Variants in DTNA observed in about 807,000 individuals in gnomAD.
The protein encoded by DTNA is dystrophin-related protein 3.
Under a neutral mutation model 100.7 loss-of-function variants are expected in DTNA, and 43 were observed. The ratio of observed to expected loss-of-function variants is 0.43; its 90% CI spans 0.33 to 0.55. The LOEUF is 0.55. Among genes scored for constraint, DTNA ranks in the 20% least tolerant of loss-of-function variants. The probability of loss-of-function intolerance (pLI) is 0.04; values close to 1 mark genes in which losing one functional copy is unlikely to be tolerated. For synonymous variants in DTNA, 349 were observed against 347.9 expected (o/e 1.00, Z -0.04); for missense variants, 798 against 953.9 (o/e 0.84, Z 2.15).
At chr18:34,798,137 C>T (rs1219119834) in intron 4 of DTNA, among the ~76,000 whole-genome samples, 1 of 152,054 alleles carries the variant, frequency 6.6e-6, no homozygotes, top group African/African-American at 2.4e-5. Context: ...GTAGCTGGGA[C>T]TACAGGCGTG....
At position 34,603,013 on chromosome 18, in the gene DTNA, T is replaced by A. The variant is rs111588757; in HGVS notation, c.-2+109499T>A. Among the ~76,000 whole-genome samples the A allele has an allele frequency of 2.6e-3, 387 of 150,110 alleles. 4 individuals carry two copies. The highest frequency in any genetic ancestry group is 8.8e-3 in the African/African-American group (359 of 40,988). ...GTGAGACTCCCTCTCAAAAAAAAAATACAAAATAAAAAATAAATTTAATTT... is the reference window on the plus strand; with the variant it reads ...GTGAGACTCCCTCTCAAAAAAAAAAAACAAAATAAAAAATAAATTTAATTT... On this transcript the variant is annotated intron_variant, in intron 1 of 19. Transcript: ENST00000283365.
At chr18:34,856,510 T>G (rs2096554356) in intron 15 of DTNA, among the ~76,000 whole-genome samples, 1 of 152,160 alleles carries the variant, frequency 6.6e-6, no homozygotes, top group Admixed American at 6.5e-5. Context: ...AATCTTCAAA[T>G]TATATTGTAT....
chr18:34,512,378 C>T (rs1214694528), intron 1 of DTNA, among the ~76,000 whole-genome samples: 4 of 151,976 alleles, frequency 2.6e-5, no homozygotes, highest in Non-Finnish European at 5.9e-5. Flanking sequence ...ATATTTCTGG[C>T]TGTTTTCCTC....
intron 4 of DTNA, among the ~76,000 whole-genome samples, chr18:34,803,344 G>A (rs1166385607): frequency 2.6e-5 from 4 of 151,656 alleles, no homozygotes; most frequent in Non-Finnish European, 5.9e-5. Context: ...GTTGGATCTA[G>A]TATCATCAAT....
chr18:34,783,123 T>C lies in DTNA; in HGVS notation c.149-10914T>C, dbSNP rs556335499. ...TTAGTTATCATTCAGATCTGTCTTT[T>C]CATTTACCTTCTCTTATTATTTTTG... On this transcript the variant is annotated intron_variant, in intron 3 of 22. Transcript: ENST00000444659. Among the ~76,000 whole-genome samples, 14 of 152,366 alleles carry C rather than the reference T, an allele frequency of 9.2e-5. No homozygotes were observed. In the South Asian group the frequency reaches 2.9e-3, roughly 32 times the overall value.
intron 1 of DTNA, among the ~76,000 whole-genome samples, chr18:34,532,770 ATG>A (rs58811674): frequency 6.7e-6 from 1 of 149,844 alleles, no homozygotes. Flanking sequence ...ATATATATAT[ATG>A]TGTGTGTGTG....
At chr18:34,526,751 A>C (rs1463883206) in intron 1 of DTNA, among the ~76,000 whole-genome samples, 1 of 152,062 alleles carries the variant, frequency 6.6e-6, no homozygotes, top group Non-Finnish European at 1.5e-5. Context: ...AGAATGCATG[A>C]TTTGTGTTTT....
chr18:34,566,624 G>T (rs958122882), intron 1 of DTNA, among the ~76,000 whole-genome samples: 8 of 152,154 alleles, frequency 5.3e-5, no homozygotes, highest in Admixed American at 3.3e-4. Context: ...TGCTGGAGTC[G>T]TCTACTTGTA....
intron 1 of DTNA, among the ~76,000 whole-genome samples, chr18:34,661,484 C>T (rs546151238): frequency 6.6e-6 from 1 of 152,180 alleles, no homozygotes; most frequent in African/African-American, 2.4e-5. Flanking sequence ...TATCCCTGCT[C>T]CCTCTTTCTG....
At chr18:34,731,200 C>A (rs1380154751) in intron 1 of DTNA, among the ~76,000 whole-genome samples, 1 of 152,194 alleles carries the variant, frequency 6.6e-6, no homozygotes, top group African/African-American at 2.4e-5. Context: ...AGATTTGTGG[C>A]CGGGCGCGGT....
chr18:34,687,183 A>C (rs1381638323), intron 1 of DTNA, among the ~76,000 whole-genome samples: 1 of 151,900 alleles, frequency 6.6e-6, no homozygotes, highest in Non-Finnish European at 1.5e-5. Flanking sequence ...TCTTCTGCTA[A>C]CTTTTGAATT....
chr18:34,649,140 T>C (rs2060165373), intron 1 of DTNA, among the ~76,000 whole-genome samples: 1 of 152,196 alleles, frequency 6.6e-6, no homozygotes, highest in Non-Finnish European at 1.5e-5. Context: ...TTGCATTCCA[T>C]TCTGCTCTCC....
chr18:34,674,313 G>T (rs2077136316), intron 1 of DTNA, among the ~76,000 whole-genome samples: 1 of 152,158 alleles, frequency 6.6e-6, no homozygotes, highest in Admixed American at 6.5e-5. Flanking sequence ...GAAGAAATAA[G>T]CTATGCCCTT....
At chr18:34,804,602 A>G (rs1432501187) in intron 4 of DTNA, among the ~76,000 whole-genome samples, 1 of 152,204 alleles carries the variant, frequency 6.6e-6, no homozygotes, top group African/African-American at 2.4e-5. Flanking sequence ...TTTTCAGGTA[A>G]CTAGGTACAT....
chr18:34,514,955 C>T (rs1033017934), intron 1 of DTNA, among the ~76,000 whole-genome samples: 1 of 151,986 alleles, frequency 6.6e-6, no homozygotes, highest in African/African-American at 2.4e-5. Context: ...ATGAAACTCA[C>T]CCTGTGCTGG....
At chr18:34,787,539 A>G (rs1051577758) in intron 3 of DTNA, among the ~76,000 whole-genome samples, 1 of 152,148 alleles carries the variant, frequency 6.6e-6, no homozygotes, top group Non-Finnish European at 1.5e-5. Flanking sequence ...TGATTCTACT[A>G]TTTCTAATAA....
chr18:34,655,411 T>C (rs562292342), intron 1 of DTNA, among the ~76,000 whole-genome samples: 1 of 152,200 alleles, frequency 6.6e-6, no homozygotes, highest in Non-Finnish European at 1.5e-5. Context: ...AGAATCCTAC[T>C]TGCTTAACTT....
At chr18:34,728,361 G>A (rs2087238296) in intron 1 of DTNA, among the ~76,000 whole-genome samples, 1 of 152,122 alleles carries the variant, frequency 6.6e-6, no homozygotes, top group South Asian at 2.1e-4. Context: ...TCCTCCTGCT[G>A]CAGGTTTGAG....
intron 1 of DTNA, among the ~76,000 whole-genome samples, chr18:34,695,247 G>A (rs1355877290): frequency 3.9e-5 from 6 of 152,128 alleles, no homozygotes; most frequent in East Asian, 1.9e-4. Flanking sequence ...TTCCCATATC[G>A]TCTAACCCTG....
Sources: allele counts gnomAD v4.1 joint callset (sites outside exome capture counted in the v4.1 genomes callset), GRCh38; gene constraint gnomAD v4.1.1; transcripts MANE v1.5; gene names NCBI Gene and HGNC (gene_info 2026-07-23, HGNC 2026-07-21).